PCCB: variants seen among roughly 807,000 people sequenced by gnomAD.
PCCB encodes the protein propionyl-CoA carboxylase beta chain, mitochondrial.
Under a neutral mutation model 60.7 loss-of-function variants are expected in PCCB, and 43 were observed. The ratio of observed to expected loss-of-function variants is 0.71; its 90% CI spans 0.55 to 0.91. The LOEUF is 0.91. PCCB is among the 40% of genes least tolerant of loss of function. The probability of loss-of-function intolerance (pLI) is 0.00; values close to 1 mark genes in which losing one functional copy is unlikely to be tolerated. For synonymous variants in PCCB, 276 were observed against 255.9 expected (o/e 1.08, Z -0.75); for missense variants, 766 against 702.8 (o/e 1.09, Z -1.02).
intron 5 of PCCB, among the ~76,000 whole-genome samples, chr3:136,263,254 G>GTTTTTT (rs137942280): frequency 7.9e-6 from 1 of 125,940 alleles, no homozygotes; most frequent in African/African-American, 3.0e-5. Flanking sequence ...CGCCCAGCTG[G>GTTTTTT]TTTTTTTTTT....
chr3:136,283,846 AC>A lies in PCCB; in HGVS notation c.554del (p.Thr185ArgfsTer11). The A allele has an allele frequency of 6.2e-7, 1 of 1,611,284 alleles. No individual in the cohort carries two copies. Among genetic ancestry groups the A allele is most frequent in the Non-Finnish European group, 8.5e-7 (1 of 1,177,468 alleles). ...GYADIFLRNV[T>X]ASGVIPQISL... ...TTTTCTGTTTTGGCAGAGGAATGTT[AC>A]GGCATCCGGAGTCATCCCTCAGATT... On this transcript the variant is annotated frameshift_variant, in exon 6 of 15. Coordinates refer to ENST00000251654, the MANE Select transcript of PCCB (RefSeq NM_000532.5). LOFTEE classifies it high-confidence loss of function.
intron 10 of PCCB, among the ~76,000 whole-genome samples, chr3:136,317,481 A>G (rs1934950369): frequency 6.6e-6 from 1 of 151,880 alleles, no homozygotes; most frequent in African/African-American, 2.4e-5. Context: ...CGCCCACCTC[A>G]GCCTCCGAAA....
chr3:136,275,315 T>G (rs1239052383), intron 5 of PCCB, among the ~76,000 whole-genome samples: 1 of 152,172 alleles, frequency 6.6e-6, no homozygotes, highest in Non-Finnish European at 1.5e-5. Flanking sequence ...TAGAAAATTT[T>G]TCCTTCATAT....
chr3:136,310,362 TAAAA>T (rs749793184), intron 9 of PCCB, among the ~76,000 whole-genome samples: 1 of 126,542 alleles, frequency 7.9e-6, no homozygotes. Flanking sequence ...AAACTCCATC[TAAAA>T]AAAAAAAAAA....
chr3:136,273,578 C>CTTTTTTTTTT (rs56936911), intron 5 of PCCB, among the ~76,000 whole-genome samples: 21 of 59,160 alleles, frequency 3.5e-4, no homozygotes, highest in Non-Finnish European at 5.7e-4. Flanking sequence ...CTTTTTCTTT[C>CTTTTTTTTTT]TTTTTTTTTT....
intron 2 of PCCB, 130 bp downstream of exon 2, chr3:136,256,105 G>T: frequency 7.3e-7 from 1 of 1,369,572 alleles, no homozygotes; most frequent in Non-Finnish European, 1.0e-6. Flanking sequence ...ATCAAGCCCA[G>T]ATAATTTTTG....
chr3:136,306,629 G>A lies in PCCB; in HGVS notation c.966+5518G>A, dbSNP rs1444114244. 1.6e-5 allele frequency among the ~76,000 whole-genome samples: 2 copies of A among 122,184 alleles called. 1 individual carries two copies. Among genetic ancestry groups the A allele is most frequent in the East Asian group, 1.2e-3 (2 of 1,712 alleles). The allele number at this position is 122,184 out of a possible 152,430, so 80.2% of individuals were successfully genotyped here. On this transcript the variant is annotated intron_variant, in intron 9 of 14. Transcript: ENST00000251654. ...GAAAACATGTACGTTGTACATATAT[G>A]CAATTATAAAATTTTAAAATAGTAC... is the stretch of plus-strand genomic sequence containing the variant.
chr3:136,295,497 A>C (rs192886576), intron 7 of PCCB, among the ~76,000 whole-genome samples: 1 of 152,334 alleles, frequency 6.6e-6, no homozygotes, highest in East Asian at 1.9e-4. Context: ...ACTTCTTAGC[A>C]TCAACTCCAG....
At chr3:136,251,182 C>G in intron 1 of PCCB, 1 of 456,162 alleles carries the variant, frequency 2.2e-6, no homozygotes, top group South Asian at 1.5e-5. Flanking sequence ...GCAGGCTACT[C>G]TCGATGTTTG....
intron 1 of PCCB, chr3:136,255,600 A>G: frequency 2.0e-6 from 1 of 511,024 alleles, no homozygotes; most frequent in Non-Finnish European, 3.6e-6. Flanking sequence ...ACTTCTCTCT[A>G]CCTTTTCCTC....
chr3:136,254,518 CTTTTTTT>C (rs3994953), intron 1 of PCCB, among the ~76,000 whole-genome samples: 24 of 45,928 alleles, frequency 5.2e-4, no homozygotes, highest in Middle Eastern at 0.019. Flanking sequence ...CTGCGGCTAG[CTTTTTTT>C]TTTTTTTTTT....
intron 3 of PCCB, chr3:136,259,281 A>T (rs1341526478): frequency 1.9e-6 from 1 of 515,336 alleles, no homozygotes; most frequent in East Asian, 3.5e-5. Flanking sequence ...GGCCTAGCCA[A>T]CATGGCAAAA....
At chr3:136,300,899 T>C in intron 8 of PCCB, 131 bp from the exon 9 acceptor site, 1 of 725,784 alleles carries the variant, frequency 1.4e-6, no homozygotes, top group Non-Finnish European at 2.5e-6. Flanking sequence ...GTGACTGCTT[T>C]GTAAGCCCAG....
intron 6 of PCCB, among the ~76,000 whole-genome samples, chr3:136,286,303 C>T (rs761597141): frequency 1.3e-5 from 2 of 152,226 alleles, no homozygotes; most frequent in Non-Finnish European, 2.9e-5. Context: ...ACAACATTTG[C>T]TCTAGCTGAT....
intron 1 of PCCB, 131 bp downstream of exon 1, chr3:136,250,689 C>G (rs1941490646): frequency 1.1e-6 from 1 of 893,540 alleles, no homozygotes; most frequent in East Asian, 2.7e-5. Flanking sequence ...CAAGGGTGTT[C>G]ACCTTGAAAA....
chr3:136,325,058 T>A (rs1334360640), intron 10 of PCCB, among the ~76,000 whole-genome samples: 1 of 152,030 alleles, frequency 6.6e-6, no homozygotes, highest in Non-Finnish European at 1.5e-5. Flanking sequence ...CTCGGCTAAT[T>A]TTTGTATTTT....
chr3:136,317,328 C>G (rs1576353280), intron 10 of PCCB, among the ~76,000 whole-genome samples: 1 of 145,160 alleles, frequency 6.9e-6, no homozygotes, highest in Admixed American at 7.3e-5. Context: ...GTCAAGCAGT[C>G]CTTCCACCTC....
intron 6 of PCCB, among the ~76,000 whole-genome samples, chr3:136,293,337 G>T (rs1576334476): frequency 6.6e-6 from 1 of 152,188 alleles, no homozygotes; most frequent in Admixed American, 6.6e-5. Flanking sequence ...TTCATTTAAA[G>T]TGACTGGTTG....
intron 5 of PCCB, among the ~76,000 whole-genome samples, chr3:136,272,955 A>C (rs1942239542): frequency 6.6e-6 from 1 of 152,152 alleles, no homozygotes; most frequent in African/African-American, 2.4e-5. Context: ...TATGTACTTA[A>C]AACTATGAAC....
Sources: gnomAD v4.1 joint callset for allele counts (sites outside exome capture counted in the v4.1 genomes callset) on GRCh38, gnomAD v4.1.1 for gene constraint, MANE v1.5 for transcripts, NCBI Gene and HGNC (gene_info 2026-07-23, HGNC 2026-07-21) for gene names.